Variants in REPS2 observed in about 807,000 individuals in gnomAD.
The protein encoded by REPS2 is ralBP1-associated Eps domain-containing protein 2.
Under a neutral mutation model 53.6 loss-of-function variants are expected in REPS2, and 23 were observed. The observed-to-expected ratio is 0.43, with a 90% CI of 0.31 to 0.61. The LOEUF is 0.61. REPS2 is among the 20% of genes least tolerant of loss of function. The pLI is 0.11. For missense variants in REPS2, 446 were observed against 534.9 expected (o/e 0.83, Z 1.64); for synonymous variants, 238 against 218.6 (o/e 1.09, Z -0.78).
chrX:16,949,972 A>T (rs1279826859), intron 1 of REPS2, among the ~76,000 whole-genome samples: 1 of 111,092 alleles, frequency 9.0e-6, no homozygotes, highest in Non-Finnish European at 1.9e-5. Flanking sequence ...CGGTTCCACC[A>T]TTGTAGTATC....
chrX:17,050,198 T>TCTTTCTTTCTTTCTTTCTTC (rs1185481723), intron 6 of REPS2, among the ~76,000 whole-genome samples: 1 of 22,966 alleles, frequency 4.4e-5, no homozygotes, highest in Non-Finnish European at 7.1e-5. Context: ...TTCTTTCTTT[T>TCTTTCTTTCTTTCTTTCTTC]TTTTTTTTTT....
chrX:16,978,884 G>A, intron 1 of REPS2, among the ~76,000 whole-genome samples: 1 of 111,227 alleles, frequency 9.0e-6, no homozygotes, highest in East Asian at 2.8e-4. Context: ...AAGCAATGTC[G>A]ATTCTAACTA....
At chrX:17,145,960 T>G (rs1300119021) in intron 17 of REPS2, among the ~76,000 whole-genome samples, 1 of 109,290 alleles carries the variant, frequency 9.1e-6, no homozygotes, top group Non-Finnish European at 1.9e-5. Context: ...ATACAGAAAA[T>G]TAGCCGGGCG....
chrX:17,049,891 A>C (rs757876352), intron 6 of REPS2, among the ~76,000 whole-genome samples: 1 of 109,579 alleles, frequency 9.1e-6, no homozygotes, highest in Non-Finnish European at 1.9e-5. Context: ...TTATTGATGA[A>C]AGGATTTTTT....
intron 9 of REPS2, among the ~76,000 whole-genome samples, chrX:17,064,511 G>C (rs986479207): frequency 2.0e-4 from 22 of 112,169 alleles, no homozygotes; most frequent in Non-Finnish European, 1.9e-5. Flanking sequence ...TCTAAAGACA[G>C]CAGAGCTGTT....
chrX:17,069,008 C>G (rs1354645384), intron 10 of REPS2, among the ~76,000 whole-genome samples: 3 of 111,572 alleles, frequency 2.7e-5, no homozygotes, highest in Admixed American at 9.5e-5. Context: ...TAGAGCTACT[C>G]CCAGGGAAGA....
downstream of REPS2, among the ~76,000 whole-genome samples, chrX:17,154,757 A>G (rs887922728): frequency 3.5e-5 from 4 of 112,748 alleles, no homozygotes; most frequent in African/African-American, 1.3e-4. Flanking sequence ...ATTATCTGAC[A>G]AAAGTTAACC....
chrX:17,047,223 A>T, intron 5 of REPS2, 124 bp from the exon 6 acceptor site: 1 of 677,188 alleles, frequency 1.5e-6, no homozygotes, highest in Non-Finnish European at 2.2e-6. Context: ...TGAGGCAGTT[A>T]AATTTCTTCA....
chrX:17,189,589 A>G, the REPS2 span, among the ~76,000 whole-genome samples: 9 of 111,053 alleles, frequency 8.1e-5, no homozygotes, highest in Non-Finnish European at 1.5e-4. Flanking sequence ...ACCCAGTGGC[A>G]CATGTTACTT....
intron 1 of REPS2, among the ~76,000 whole-genome samples, chrX:16,965,186 T>A (rs1489352424): frequency 1.4e-5 from 1 of 72,599 alleles, no homozygotes; most frequent in African/African-American, 5.5e-5. Context: ...CAGGGCAGAG[T>A]GGCTCCTCAC....
At chrX:17,081,098 A>C (rs113392721) in intron 13 of REPS2, among the ~76,000 whole-genome samples, 2,749 of 111,935 alleles carry the variant, frequency 0.025, 91 homozygotes, top group African/African-American at 0.086. Context: ...AGAGGGGAAA[A>C]TAATGTGAGA....
intron 14 of REPS2, among the ~76,000 whole-genome samples, chrX:17,130,304 T>G (rs997157257): frequency 1.8e-5 from 2 of 111,707 alleles, no homozygotes; most frequent in African/African-American, 6.5e-5. Context: ...TGCCTAAAGA[T>G]GAGTTCCCCC....
chrX:17,169,134 C>T, the REPS2 span, among the ~76,000 whole-genome samples: 1 of 112,465 alleles, frequency 8.9e-6, no homozygotes, highest in Non-Finnish European at 1.9e-5. Context: ...TAGCTGACCA[C>T]AGACATGGGT....
Position 17,025,041 on chromosome X carries a change from T to A in REPS2, c.547-18T>A. The A allele has an allele frequency of 8.3e-7, 1 of 1,212,113 alleles. No homozygotes were observed. Among genetic ancestry groups the A allele is most frequent in the South Asian group, 1.8e-5 (1 of 57,033 alleles). On this transcript the variant is annotated intron_variant, in intron 3 of 17. Coordinates refer to ENST00000357277, the MANE Select transcript of REPS2 (RefSeq NM_004726.3). ...GGCTTGAGTGAGCGCCTCTGAACTC[T>A]GATCTGGTTCTTTGAAGCAGGAAAC...
At chrX:17,049,470 G>A (rs1425099157) in intron 6 of REPS2, among the ~76,000 whole-genome samples, 3 of 111,556 alleles carry the variant, frequency 2.7e-5, no homozygotes, top group African/African-American at 9.8e-5. Context: ...AAGTTTATAC[G>A]TGTTTGTGTT....
the REPS2 span, among the ~76,000 whole-genome samples, chrX:17,162,025 A>AAT: frequency 8.9e-6 from 1 of 112,050 alleles, no homozygotes; most frequent in Non-Finnish European, 1.9e-5. Context: ...CTTGAAAACT[A>AAT]ATAGCCTGCA....
intron 9 of REPS2, 43 bp downstream of exon 9, chrX:17,062,575 G>C: frequency 2.1e-6 from 2 of 966,151 alleles, no homozygotes; most frequent in Non-Finnish European, 2.9e-6. Context: ...TGTGTATGGA[G>C]CTAAATCCAT....
At chrX:16,982,879 A>C (rs376449399) in intron 1 of REPS2, among the ~76,000 whole-genome samples, 41 of 112,582 alleles carry the variant, frequency 3.6e-4, no homozygotes, top group African/African-American at 1.3e-3. Context: ...AGTATGGAAA[A>C]AGTGTCATTT....
At chrX:17,097,761 A>AG (rs2062724798) in intron 13 of REPS2, among the ~76,000 whole-genome samples, 2 of 111,575 alleles carry the variant, frequency 1.8e-5, no homozygotes, top group African/African-American at 3.3e-5. Context: ...TAATAATAAG[A>AG]GGGGGGTATG....
Sources: allele counts gnomAD v4.1 joint callset (sites outside exome capture counted in the v4.1 genomes callset), GRCh38; gene constraint gnomAD v4.1.1; transcripts MANE v1.5; gene names NCBI Gene and HGNC (gene_info 2026-07-23, HGNC 2026-07-21).